The following RBFA variants were observed in gnomAD, a reference collection of about 807,000 sequenced individuals.
The protein encoded by RBFA is putative ribosome-binding factor A, mitochondrial.
In RBFA, 16 loss-of-function variants were observed where a neutral mutation model predicts 27.9. That is an observed-to-expected ratio of 0.57 (90% confidence interval 0.39 to 0.87). The LOEUF (loss-of-function observed/expected upper bound fraction) is 0.87. Among genes scored for constraint, RBFA ranks in the 40% least tolerant of loss-of-function variants. RBFA has a pLI of 0.00. For synonymous variants in RBFA, 181 were observed against 181.0 expected, an observed-to-expected ratio of 1.00 and a Z score of 0.00; for missense variants, 456 against 432.1, an observed-to-expected ratio of 1.06 and a Z score of -0.49.
rs542992569 is a variant in RBFA at position 80,049,194 on chromosome 18, A to T, written c.*3039A>T. Among the ~76,000 whole-genome samples the T allele has an allele frequency of 2.3e-4, 34 of 148,262 alleles. No homozygotes were observed. Among genetic ancestry groups the T allele is most frequent in the African/African-American group, 7.1e-4 (28 of 39,526 alleles). On this transcript the variant is annotated 3_prime_UTR_variant, in exon 7 of 7. Coordinates refer to ENST00000306735, the MANE Select transcript of RBFA (RefSeq NM_024805.3). Reference sequence around the variant, plus strand: ...GAGCGGGTTAGGGACACGGAAGCTCACCCCCTTCTGAATGGGTCCACTCCT... The same window carrying T: ...GAGCGGGTTAGGGACACGGAAGCTCTCCCCCTTCTGAATGGGTCCACTCCT...
intron 5 of RBFA, among the ~76,000 whole-genome samples, chr18:80,043,076 T>G (rs572883647): frequency 1.3e-5 from 2 of 152,330 alleles, no homozygotes; most frequent in African/African-American, 4.8e-5. Context: ...TAACCTTAAG[T>G]GCTTTTATTA....
rs563449944 is a variant in RBFA at position 80,043,421 on chromosome 18, T to C, written c.577-791T>C. Among the ~76,000 whole-genome samples, 4 of 152,352 alleles carry C rather than the reference T, an allele frequency of 2.6e-5. No homozygotes were observed. In the South Asian group the frequency reaches 8.3e-4, roughly 32 times the overall value. On this transcript the variant is annotated intron_variant, in intron 5 of 6. Transcript: ENST00000306735. ...AAAAAGAAACGAAGGAGTGAAGTTA[T>C]AGTCCCTGCCGTAAGGAATCAGGGA...
intron 3 of RBFA, 34 bp from the exon 4 acceptor site, chr18:80,038,471 C>A: frequency 6.8e-7 from 1 of 1,460,544 alleles, no homozygotes; most frequent in Non-Finnish European, 9.5e-7. Context: ...CCCATGTAAG[C>A]TAAAAAGTGA....
chr18:80,034,679 G>T, intron 1 of RBFA, 26 bp downstream of exon 1: 1 of 1,605,336 alleles, frequency 6.2e-7, no homozygotes, highest in Non-Finnish European at 8.5e-7. Flanking sequence ...CGGTGTCCCT[G>T]GGCGCGGTAT....
In RBFA at chr18:80,050,191, G is replaced by T. The variant is rs961315133; in HGVS notation, c.*4036G>T. 8.5e-5 allele frequency among the ~76,000 whole-genome samples: 13 copies of T among 152,176 alleles called. No homozygotes were observed. The highest frequency in any genetic ancestry group is 3.1e-4 in the African/African-American group (13 of 41,434). Reference sequence around the variant, plus strand: ...AAGAATGAGGGGACAACAGGGCAGGGAGAAGGGACAGAGCTAGAGGAAGGA... The same window carrying T: ...AAGAATGAGGGGACAACAGGGCAGGTAGAAGGGACAGAGCTAGAGGAAGGA... On this transcript the variant is annotated 3_prime_UTR_variant, in exon 7 of 7. Transcript: ENST00000306735.
In RBFA at chr18:80,034,509, C is replaced by A. The variant is rs760881133; in HGVS notation, c.14C>A (p.Ala5Glu). Residue 5 changes from alanine to glutamate, a missense_variant, in exon 1 of 7, where the codon GCG becomes GAG. Ala to Glu is a moderately radical substitution (Grantham distance 107). Transcript: ENST00000306735. The stretch of plus-strand genomic sequence containing the variant: ...CGGCGCCGCGCCATGTGGGCTGCGG[C>A]GGGCGGGCTGTGGCGCTCCCGCGCG... MWAA[A>E]GGLWRSRAGL... 25 of 1,569,064 alleles carry A rather than the reference C, an allele frequency of 1.6e-5. No homozygotes were observed. Among genetic ancestry groups the A allele is most frequent in the Non-Finnish European group, 2.1e-5 (25 of 1,164,578 alleles).
chr18:80,043,202 T>G (rs2052028284), intron 5 of RBFA, among the ~76,000 whole-genome samples: 1 of 152,216 alleles, frequency 6.6e-6, no homozygotes. Context: ...CTTCAAAAAG[T>G]CAGTCAAAAA....
Position 80,044,232 on chromosome 18 carries a change from C to A in RBFA, c.597C>A (p.Val199=). ...ALAELDQLLA[V]ADFGPRDERD... is the part of the protein sequence containing the mutation. ...TGTAGCTTGATCAGTTACTGGCAGT[C>A]GCAGACTTTGGACCCCGGGATGAAA... The change falls in exon 6 of 7, where the codon GTC becomes GTA. Residue 199 remains valine (V), a synonymous_variant. Transcript: ENST00000306735. 1 of 1,614,132 alleles carries A rather than the reference C, an allele frequency of 6.2e-7. No individual in the cohort carries two copies. Among genetic ancestry groups the A allele is most frequent in the Non-Finnish European group, 8.5e-7 (1 of 1,179,986 alleles).
At chr18:80,042,860 G>A (rs964299435) in intron 5 of RBFA, among the ~76,000 whole-genome samples, 1 of 151,930 alleles carries the variant, frequency 6.6e-6, no homozygotes, top group South Asian at 2.1e-4. Flanking sequence ...TTTCTCCTGT[G>A]CCCCTGTTCC....
Position 80,038,511 on chromosome 18 carries a change from C to T in RBFA, c.385C>T (p.Leu129=). The change falls in exon 4 of 7, where the codon CTG becomes TTG. Residue 129 remains leucine (L), a synonymous_variant. Transcript: ENST00000306735. The part of the protein sequence containing the change: ...DLNVELSKVS[L]TPDFSACRAY... The stretch of plus-strand genomic sequence containing the variant: ...TGGAGGGGCGGGGTCTCAGGTTTCC[C>T]TGACTCCAGACTTCTCAGCCTGCCG... 6.2e-7 allele frequency: 1 copy of T among 1,610,254 alleles called. No homozygotes were observed. The highest frequency in any genetic ancestry group is 8.5e-7 in the Non-Finnish European group (1 of 1,177,794).
intron 1 of RBFA, chr18:80,035,617 C>G (rs1266749294): frequency 6.6e-6 from 1 of 152,252 alleles, no homozygotes; most frequent in East Asian, 1.9e-4. Flanking sequence ...TGCCAGGTTT[C>G]TCTACCGTAA....
intron 4 of RBFA, among the ~76,000 whole-genome samples, chr18:80,040,191 C>T (rs1490226430): frequency 3.4e-5 from 5 of 146,540 alleles, no homozygotes; most frequent in East Asian, 2.1e-4. Flanking sequence ...ATACTTTTCT[C>T]ATGGCTGTTA....
chr18:80,034,514 G>T lies in RBFA; in HGVS notation c.19G>T (p.Gly7Trp), dbSNP rs755166802. 1.3e-6 allele frequency: 2 copies of T among 1,579,550 alleles called. No individual in the cohort carries two copies. Among genetic ancestry groups the T allele is most frequent in the Non-Finnish European group, 1.7e-6 (2 of 1,168,918 alleles). Reference protein sequence around the residue: MWAAAGGLWRSRAGLRA... With the variant: MWAAAGWLWRSRAGLRA... ...CCGCGCCATGTGGGCTGCGGCGGGC[G>T]GGCTGTGGCGCTCCCGCGCGGGTCT... Residue 7 changes from glycine to tryptophan, a missense_variant, in exon 1 of 7, where the codon GGG becomes TGG. Transcript: ENST00000306735.
Position 80,038,544 on chromosome 18 carries a change from T to C in RBFA, c.418T>C (p.Trp140Arg), listed in dbSNP as rs368491702. The C allele has an allele frequency of 7.4e-6, 12 of 1,613,926 alleles. No homozygotes were observed. The highest frequency in any genetic ancestry group is 1.0e-5 in the Non-Finnish European group (12 of 1,179,918). ...TPDFSACRAY[W>R]KTTLSAEQNA... is the part of the protein sequence containing the mutation. ...AGACTTCTCAGCCTGCCGAGCGTACTGGAAGACAACGCTCTCTGCTGAGCA... is the reference window on the plus strand; with the variant it reads ...AGACTTCTCAGCCTGCCGAGCGTACCGGAAGACAACGCTCTCTGCTGAGCA... Residue 140 changes from tryptophan to arginine, a missense_variant, in exon 4 of 7, where the codon TGG becomes CGG. Transcript: ENST00000306735.
At chr18:80,036,769 G>A in intron 2 of RBFA, 59 bp downstream of exon 2, 1 of 1,306,986 alleles carries the variant, frequency 7.7e-7, no homozygotes, top group Non-Finnish European at 1.1e-6. Context: ...TTAAAAGTTG[G>A]CAAAACTCTT....
chr18:80,038,012 G>A (rs1262712705), intron 3 of RBFA, among the ~76,000 whole-genome samples: 1 of 152,226 alleles, frequency 6.6e-6, no homozygotes, highest in Non-Finnish European at 1.5e-5. Flanking sequence ...GCTGTGCAGA[G>A]GCAGATGTCT....
rs563534771 is a variant in RBFA at position 80,043,821 on chromosome 18, G to T, written c.577-391G>T. Among the ~76,000 whole-genome samples, 32 of 152,278 alleles carry T rather than the reference G, an allele frequency of 2.1e-4. 1 individual carries two copies. Among genetic ancestry groups the T allele is most frequent in the African/African-American group, 7.7e-4 (32 of 41,576 alleles). On this transcript the variant is annotated intron_variant, in intron 5 of 6. Coordinates refer to ENST00000306735, the MANE Select transcript of RBFA (RefSeq NM_024805.3). ...GCATCATCTTTTACCTTGTCTTGTTGGGAGGCTTTTGTCCCCCAAGGCACA... is the reference window on the plus strand; with the variant it reads ...GCATCATCTTTTACCTTGTCTTGTTTGGAGGCTTTTGTCCCCCAAGGCACA...
chr18:80,041,585 G>A (rs2052015964), intron 4 of RBFA: 1 of 152,274 alleles, frequency 6.6e-6, no homozygotes, highest in Non-Finnish European at 1.5e-5. Flanking sequence ...CGCACAAGTT[G>A]CGTTGAGAAA....
At position 80,047,105 on chromosome 18, in the gene RBFA, T is replaced by G. The variant is rs1265249272; in HGVS notation, c.*950T>G. The G allele has an allele frequency of 6.6e-6, 1 of 152,266 alleles. No individual in the cohort carries two copies. Among genetic ancestry groups the G allele is most frequent in the Non-Finnish European group, 1.5e-5 (1 of 68,068 alleles). 9.4% of individuals were successfully genotyped at this position (152,266 alleles called of 1,614,324 possible). ...TGTCAGGTTCTGCACTACGAGTCAG[T>G]GTCATCCCTCCAAGCCCTGGCTCTC... On this transcript the variant is annotated 3_prime_UTR_variant, in exon 7 of 7. Coordinates refer to ENST00000306735, the MANE Select transcript of RBFA (RefSeq NM_024805.3).
Sources: allele counts gnomAD v4.1 joint callset (sites outside exome capture counted in the v4.1 genomes callset), GRCh38; gene constraint gnomAD v4.1.1; transcripts MANE v1.5; gene names NCBI Gene and HGNC (gene_info 2026-07-23, HGNC 2026-07-21).